DGKH: variants seen among roughly 807,000 people sequenced by gnomAD.
DGKH encodes diacylglycerol kinase eta, also known as DAG kinase eta.
A neutral mutation model predicts 159.3 loss-of-function variants in DGKH; 90 were observed. That is an observed-to-expected ratio of 0.57 (90% CI 0.48 to 0.67). The LOEUF (loss-of-function observed/expected upper bound fraction) is 0.67. DGKH is among the 30% of genes least tolerant of loss of function. The pLI is 0.00. For missense variants in DGKH, 1,181 were observed against 1,506.1 expected, an observed-to-expected ratio of 0.78 and a Z score of 3.57; for synonymous variants, 536 against 553.8, an observed-to-expected ratio of 0.97 and a Z score of 0.45.
upstream of DGKH, among the ~76,000 whole-genome samples, chr13:42,048,027 G>A (rs903878552): frequency 6.6e-6 from 1 of 151,612 alleles, no homozygotes; most frequent in Non-Finnish European, 1.5e-5. The surrounding 1 kb of genome is among the most constrained non-coding windows in gnomAD (Gnocchi z 6.7). Flanking sequence ...GGATGGGGGT[G>A]GGGGTGGGCC....
At chr13:42,128,489 C>T (rs1955217048) in intron 2 of DGKH, among the ~76,000 whole-genome samples, 1 of 152,150 alleles carries the variant, frequency 6.6e-6, no homozygotes, top group African/African-American at 2.4e-5. Context: ...TGATTTTTCA[C>T]ATTTATCTCT....
rs546088349 is a variant in DGKH at position 42,166,782 on chromosome 13, C to T, written c.1118+108C>T. The T allele has an allele frequency of 2.1e-5, 20 of 956,732 alleles. No homozygotes were observed. The Admixed American group carries it at 3.4e-4, about 16-fold the overall frequency. 59.3% of individuals were successfully genotyped at this position (956,732 alleles called of 1,614,324 possible). On this transcript the variant is annotated intron_variant, in intron 9 of 29. Transcript: ENST00000337343. The stretch of plus-strand genomic sequence containing the variant: ...TACAGATTCCTCTAGATCCCTCCCT[C>T]GTTTTTAAAGCTCTAATTATAAGTT...
In DGKH at chr13:42,189,274, A is replaced by C; in HGVS notation, c.1877A>C (p.Lys626Thr). 4 of 1,614,250 alleles carry C rather than the reference A, an allele frequency of 2.5e-6. No individual in the cohort carries two copies. The highest frequency in any genetic ancestry group is 2.5e-6 in the Non-Finnish European group (3 of 1,180,044). ...ATGTTGCGGGCAAATAGTTTAAAGA[A>C]AGCAGTGAGGCAAGTCATTGAGGAA... is the stretch of plus-strand genomic sequence containing the variant. ...EIMLRANSLK[K>T]AVRQVIEEAG... Residue 626 changes from lysine (K) to threonine (T), a missense_variant, in exon 15 of 30, where the codon AAA (lysine) becomes ACA (threonine). This residue lies in a region of DGKH where 257 missense variants were observed against 281.5 expected (regional missense o/e 0.91). Transcript: ENST00000337343.
chr13:42,195,495 C>T (rs1957184762), intron 17 of DGKH, among the ~76,000 whole-genome samples: 1 of 152,150 alleles, frequency 6.6e-6, no homozygotes, highest in African/African-American at 2.4e-5. Context: ...GAGTGAGACT[C>T]TGTCTCAGAA....
chr13:42,199,644 T>C lies in DGKH; in HGVS notation c.2364T>C (p.Asn788=). ...GLDAKISLEF[N]NKREEHPEKC... is the part of the protein sequence containing the mutation. ...ATGCAAAAATTTCATTAGAATTTAA[T>C]AATAAAAGAGAGGAGCACCCTGAAA... Residue 788 remains asparagine (N), a synonymous_variant, in exon 19 of 30, where the codon AAT becomes AAC. Coordinates refer to ENST00000337343, the MANE Select transcript of DGKH (RefSeq NM_178009.5). The C allele has an allele frequency of 6.2e-7, 1 of 1,604,944 alleles. No individual in the cohort carries two copies. Among genetic ancestry groups the C allele is most frequent in the Non-Finnish European group, 8.5e-7 (1 of 1,177,112 alleles).
At chr13:42,124,867 G>C (rs994979307) in intron 1 of DGKH, among the ~76,000 whole-genome samples, 2 of 152,182 alleles carry the variant, frequency 1.3e-5, no homozygotes, top group African/African-American at 2.4e-5. Context: ...ACTTTTAGCT[G>C]CTGCCACATG....
At chr13:42,173,626 T>C (rs1440292277) in intron 11 of DGKH, among the ~76,000 whole-genome samples, 1 of 152,200 alleles carries the variant, frequency 6.6e-6, no homozygotes, top group Admixed American at 6.5e-5. Flanking sequence ...AAGACATTGT[T>C]TTAAAACTTT....
chr13:42,057,659 C>G (rs1208301221), intron 1 of DGKH, among the ~76,000 whole-genome samples: 1 of 152,052 alleles, frequency 6.6e-6, no homozygotes, highest in Non-Finnish European at 1.5e-5. Flanking sequence ...CTATGGTGTT[C>G]CAAGTACTGC....
intron 11 of DGKH, among the ~76,000 whole-genome samples, chr13:42,171,780 A>T (rs540215938): frequency 6.6e-6 from 1 of 151,570 alleles, no homozygotes; most frequent in Admixed American, 6.6e-5. Context: ...AATATAGTAT[A>T]TCTGCTGCAT....
At position 42,235,551 on chromosome 13, in the gene DGKH, T is replaced by G. The variant is rs1958395678; in HGVS notation, c.*6363T>G. On this transcript the variant is annotated 3_prime_UTR_variant, in exon 30 of 30. Transcript: ENST00000337343. ...ATACAAACTAAAAAAGGAAAAAGAA[T>G]ATATTTTGTGGTCCTTAATGTTTGA... is the stretch of plus-strand genomic sequence containing the variant. 1 of 152,168 alleles carries G rather than the reference T, an allele frequency of 6.6e-6. No individual in the cohort carries two copies. Among genetic ancestry groups the G allele is most frequent in the Non-Finnish European group, 1.5e-5 (1 of 68,000 alleles). The allele number at this position is 152,168 out of a possible 1,614,324, so 9.4% of individuals were successfully genotyped here. A position where few individuals can be genotyped will look rare whatever the true frequency, so the allele number is the denominator to read the frequency against.
chr13:42,186,668 A>T (rs548443128), intron 13 of DGKH, among the ~76,000 whole-genome samples: 1 of 152,234 alleles, frequency 6.6e-6, no homozygotes. Context: ...GACAAGTGAC[A>T]ATCTTATTTT....
At chr13:42,069,104 CTGT>C (rs1288892066) in intron 1 of DGKH, 3 of 1,401,026 alleles carry the variant, frequency 2.1e-6, no homozygotes, top group Non-Finnish European at 2.0e-6. Flanking sequence ...GAACTCCTCA[CTGT>C]TGTTCAGAAA....
chr13:42,058,380 G>T (rs1158305163), intron 1 of DGKH, among the ~76,000 whole-genome samples: 2 of 152,192 alleles, frequency 1.3e-5, no homozygotes, highest in African/African-American at 4.8e-5. Flanking sequence ...ATGTTGTTAA[G>T]TGAGGACTTA....
In DGKH at chr13:42,236,047, A is replaced by G. The variant is rs918262098; in HGVS notation, c.*6859A>G. 6.6e-6 allele frequency: 1 copy of G among 152,180 alleles called. No individual in the cohort carries two copies. 9.4% of individuals were successfully genotyped at this position (152,180 alleles called of 1,614,324 possible). A position where few individuals can be genotyped will look rare whatever the true frequency, so the allele number is the denominator to read the frequency against. ...AATAACAAATATAAAAGCTTTGTAT[A>G]TTTTGTGGCATTAGGGGCAAGAATT... On this transcript the variant is annotated 3_prime_UTR_variant, in exon 30 of 30. Transcript: ENST00000337343.
intron 17 of DGKH, among the ~76,000 whole-genome samples, 161 bp from the exon 18 acceptor site, chr13:42,198,317 A>G (rs1486597653): frequency 1.3e-5 from 2 of 152,200 alleles, no homozygotes; most frequent in East Asian, 3.8e-4. Context: ...CACAAATGTC[A>G]TTGTTTTTAA....
intron 1 of DGKH, among the ~76,000 whole-genome samples, chr13:42,110,792 G>GA (rs561452842): frequency 6.6e-6 from 1 of 152,192 alleles, no homozygotes; most frequent in Non-Finnish European, 1.5e-5. Context: ...TATATTTTAT[G>GA]AAAAAACTGT....
In DGKH at chr13:42,166,556, T is replaced by C. The variant is rs1191456779; in HGVS notation, c.1000T>C (p.Leu334=). ...ATTTTCGTTCTGTGTTAGTCCTCTATTGGTTTTTGTCAATTCTAAGAGTGG... is the reference window on the plus strand; with the variant it reads ...ATTTTCGTTCTGTGTTAGTCCTCTACTGGTTTTTGTCAATTCTAAGAGTGG... ...ATFSFCVSPL[L]VFVNSKSGDN... The change falls in exon 9 of 30, where the codon TTG becomes CTG. Residue 334 remains leucine, a synonymous_variant. Transcript: ENST00000337343. The C allele has an allele frequency of 3.1e-6, 5 of 1,597,984 alleles. No homozygotes were observed. The South Asian group carries it at 4.6e-5, about 15-fold the overall frequency.
chr13:42,049,425 C>T (rs1881095923), intron 1 of DGKH, among the ~76,000 whole-genome samples: 1 of 152,254 alleles, frequency 6.6e-6, no homozygotes, highest in Non-Finnish European at 1.5e-5. Flanking sequence ...GGAGCGTGCG[C>T]ATGTGCTGGC....
upstream of DGKH, among the ~76,000 whole-genome samples, chr13:42,045,443 A>G (rs764452597): frequency 6.6e-5 from 10 of 152,216 alleles, no homozygotes; most frequent in Non-Finnish European, 1.5e-4. Context: ...TGTAAATGAG[A>G]GGTTATAAAC....
Sources: allele counts gnomAD v4.1 joint callset (sites outside exome capture counted in the v4.1 genomes callset), GRCh38; gene constraint gnomAD v4.1.1; regional missense constraint gnomAD v4.1.1; non-coding constraint Gnocchi (gnomAD v3.1); transcripts MANE v1.5; gene names NCBI Gene and HGNC (gene_info 2026-07-23, HGNC 2026-07-21).